GOT1: variants seen among roughly 807,000 people sequenced by gnomAD.
GOT1 encodes the protein aspartate aminotransferase, cytoplasmic.
A neutral mutation model predicts 48.2 loss-of-function variants in GOT1; 25 were observed. The ratio of observed to expected loss-of-function variants is 0.52; its 90% CI spans 0.38 to 0.72. The LOEUF is 0.72. GOT1 is among the 30% of genes least tolerant of loss of function. The pLI, the probability that GOT1 is intolerant of heterozygous loss-of-function variation, is 0.00. For synonymous variants in GOT1, 188 were observed against 193.8 expected, an observed-to-expected ratio of 0.97 and a Z score of 0.25; for missense variants, 380 against 520.1, an observed-to-expected ratio of 0.73 and a Z score of 2.62.
intron 1 of GOT1, among the ~76,000 whole-genome samples, chr10:99,427,123 T>C (rs900451977): frequency 1.3e-5 from 2 of 152,248 alleles, no homozygotes; most frequent in African/African-American, 4.8e-5. Flanking sequence ...TTTTCATTTA[T>C]ATATCACATT....
At chr10:99,418,662 C>T (rs1028797953) in intron 2 of GOT1, among the ~76,000 whole-genome samples, 3 of 151,872 alleles carry the variant, frequency 2.0e-5, no homozygotes, top group African/African-American at 4.8e-5. Flanking sequence ...CCACCATGCC[C>T]GGCTAATTTT....
intron 1 of GOT1, among the ~76,000 whole-genome samples, chr10:99,429,348 G>A (rs934301662): frequency 1.4e-5 from 2 of 142,494 alleles, no homozygotes; most frequent in African/African-American, 2.7e-5. Context: ...GCGCCCGGCC[G>A]ACTTTTTTTT....
In GOT1 at chr10:99,412,727, G is replaced by A. The variant is rs531983163; in HGVS notation, c.301-5878C>T. Among the ~76,000 whole-genome samples the A allele has an allele frequency of 1.5e-4, 23 of 152,156 alleles. 1 individual carries two copies. The highest frequency in any genetic ancestry group is 2.6e-4 in the Admixed American group (4 of 15,278). ...GGGCAGACTGATACCTCACATGGCC[G>A]GGTACCCCTCTGAGACGAAACTTCC... On this transcript the variant is annotated intron_variant, in intron 2 of 8. Coordinates refer to ENST00000370508, the MANE Select transcript of GOT1 (RefSeq NM_002079.3).
intron 2 of GOT1, among the ~76,000 whole-genome samples, chr10:99,414,289 C>T (rs577690056): frequency 6.6e-6 from 1 of 152,228 alleles, no homozygotes; most frequent in South Asian, 2.1e-4. Flanking sequence ...GGGTTGCAAT[C>T]CTAGTCTCTC....
chr10:99,427,770 G>C (rs2033060518), intron 1 of GOT1, among the ~76,000 whole-genome samples: 1 of 152,164 alleles, frequency 6.6e-6, no homozygotes, highest in Non-Finnish European at 1.5e-5. Flanking sequence ...ACAGGTGTGG[G>C]CAGAGACTCT....
chr10:99,420,001 G>A (rs572752154), intron 2 of GOT1, among the ~76,000 whole-genome samples: 2 of 152,308 alleles, frequency 1.3e-5, no homozygotes, highest in African/African-American at 4.8e-5. Flanking sequence ...GATAGGTGCT[G>A]AGATCAACAG....
chr10:99,406,757 G>A lies in GOT1; in HGVS notation c.393C>T (p.Asn131=). The A allele has an allele frequency of 6.2e-7, 1 of 1,613,872 alleles. No homozygotes were observed. The change falls in exon 3 of 9, where the codon AAC becomes AAT. Residue 131 remains asparagine, a synonymous_variant. Transcript: ENST00000370508. ...TTGGTGAGGACACATAGACAGGTGT[G>A]TTCTTGTTGTTTGTTCCATTGTACC... ...ARWYNGTNNK[N]TPVYVSSPTW... is the part of the protein sequence containing the mutation.
chr10:99,416,524 A>G (rs1215122872), intron 2 of GOT1, among the ~76,000 whole-genome samples: 3 of 152,216 alleles, frequency 2.0e-5, no homozygotes, highest in African/African-American at 4.8e-5. Context: ...TGTACAAGGT[A>G]ATTTATAGAT....
intron 1 of GOT1, among the ~76,000 whole-genome samples, chr10:99,427,319 A>T (rs1309926573): frequency 1.3e-5 from 2 of 152,076 alleles, no homozygotes; most frequent in Admixed American, 1.3e-4. Flanking sequence ...CCCAGGCTGG[A>T]GTGCAGTGGC....
At position 99,430,462 on chromosome 10, in the gene GOT1, T is replaced by C. The variant is rs1219423831; in HGVS notation, c.104A>G (p.Asn35Ser). 6.2e-7 allele frequency: 1 copy of C among 1,609,784 alleles called. No individual in the cohort carries two copies. Residue 35 changes from asparagine to serine, a missense_variant, in exon 1 of 9, where the codon AAC becomes AGC. Coordinates refer to ENST00000370508, the MANE Select transcript of GOT1 (RefSeq NM_002079.3). ...FREDPDPRKV[N>S]LGVGAYRTDD... ...TACATCCTTACCTCCCACTCCCAGG[T>C]TGACCTTGCGGGGGTCCGGATCCTC...
intron 5 of GOT1, among the ~76,000 whole-genome samples, chr10:99,404,130 T>A (rs1326413797): frequency 6.6e-6 from 1 of 152,200 alleles, no homozygotes; most frequent in East Asian, 1.9e-4. Flanking sequence ...GAAACAGGGC[T>A]TACTTTTGAT....
chr10:99,402,392 C>G (rs1317324842), intron 8 of GOT1, among the ~76,000 whole-genome samples, 188 bp downstream of exon 8: 1 of 152,226 alleles, frequency 6.6e-6, no homozygotes, highest in Non-Finnish European at 1.5e-5. Context: ...CCACAATACT[C>G]TTCTGAGACC....
rs182125136 is a variant in GOT1 at position 99,409,136 on chromosome 10, T to G, written c.301-2287A>C. 3.1e-3 allele frequency among the ~76,000 whole-genome samples: 466 copies of G among 152,084 alleles called. 1 individual carries two copies. The highest frequency in any genetic ancestry group is 6.9e-3 in the South Asian group (33 of 4,808). On this transcript the variant is annotated intron_variant, in intron 2 of 8. Coordinates refer to ENST00000370508, the MANE Select transcript of GOT1 (RefSeq NM_002079.3). ...TAAAAAGGTTTTTTTTGTGTTTTTT[T>G]TTTGTTTGTTTTTTGAGACAGAGTC...
At chr10:99,401,746 A>ATT (rs1205671451) in intron 8 of GOT1, among the ~76,000 whole-genome samples, 2 of 152,020 alleles carry the variant, frequency 1.3e-5, no homozygotes, top group East Asian at 1.9e-4. Flanking sequence ...CAATTGACCA[A>ATT]GACCATGCAT....
At chr10:99,427,658 C>G (rs1212908451) in intron 1 of GOT1, among the ~76,000 whole-genome samples, 1 of 152,158 alleles carries the variant, frequency 6.6e-6, no homozygotes, top group East Asian at 1.9e-4. Context: ...GTTAAACAAC[C>G]CTTCCAAGTC....
At chr10:99,428,224 CTT>C (rs1197734784) in intron 1 of GOT1, among the ~76,000 whole-genome samples, 1 of 152,202 alleles carries the variant, frequency 6.6e-6, no homozygotes, top group African/African-American at 2.4e-5. Context: ...ATACCTAACA[CTT>C]ATATAAATCC....
intron 2 of GOT1, among the ~76,000 whole-genome samples, chr10:99,414,126 A>G (rs1179860663): frequency 6.6e-6 from 1 of 152,216 alleles, no homozygotes; most frequent in Non-Finnish European, 1.5e-5. Context: ...AAATGCTCCA[A>G]TTAAAAGACA....
chr10:99,402,197 A>C lies in GOT1; in HGVS notation c.1102+383T>G, dbSNP rs1298031593. Among the ~76,000 whole-genome samples the C allele has an allele frequency of 2.0e-5, 3 of 152,208 alleles. No homozygotes were observed. The East Asian group carries it at 5.8e-4, about 29-fold the overall frequency. ...TAGAAATAAGAAAGACCTGTCAAGA[A>C]ATCAGTTCCCTGAATAATCATTATA... is the stretch of plus-strand genomic sequence containing the variant. On this transcript the variant is annotated intron_variant, in intron 8 of 8. Coordinates refer to ENST00000370508, the MANE Select transcript of GOT1 (RefSeq NM_002079.3).
chr10:99,424,982 C>T lies in GOT1; in HGVS notation c.119-4177G>A, dbSNP rs116976663. Among the ~76,000 whole-genome samples the T allele has an allele frequency of 2.7e-3, 404 of 152,254 alleles. 1 individual carries two copies. The highest frequency in any genetic ancestry group is 4.5e-3 in the Non-Finnish European group (308 of 68,026). On this transcript the variant is annotated intron_variant, in intron 1 of 8. Transcript: ENST00000370508. ...TTTCTCATTCACTCTTTCATTCACT[C>T]GCTCACATAACAAGTACTTACTAAG...
Sources: allele counts gnomAD v4.1 joint callset (sites outside exome capture counted in the v4.1 genomes callset), GRCh38; gene constraint gnomAD v4.1.1; transcripts MANE v1.5; gene names NCBI Gene and HGNC (gene_info 2026-07-23, HGNC 2026-07-21).